Variants in MCM9 observed in about 807,000 individuals in gnomAD.
The protein encoded by MCM9 is minichromosome maintenance 9 homologous recombination repair factor.
Under a neutral mutation model 72.8 loss-of-function variants are expected in MCM9, and 55 were observed. That is an observed-to-expected ratio of 0.76 (90% CI 0.61 to 0.95). The LOEUF (loss-of-function observed/expected upper bound fraction) is 0.95. Ranked by LOEUF, MCM9 falls within the 40% of genes least tolerant of loss-of-function variation. The pLI is 0.00. For synonymous variants in MCM9, 480 were observed against 503.4 expected (o/e 0.95, Z 0.62); for missense variants, 1,279 against 1,377.0 (o/e 0.93, Z 1.13).
At position 118,932,627 on chromosome 6, in the gene MCM9, A is replaced by C; in HGVS notation, c.-36T>G. ...CATACCATTAATCAGACTGACAGCC[A>C]GTTCTGACATGAATAATTAACAGAC... On this transcript the variant is annotated 5_prime_UTR_variant, in exon 2 of 14. Coordinates refer to ENST00000619706, the MANE Select transcript of MCM9 (RefSeq NM_017696.3). The C allele has an allele frequency of 1.0e-6, 1 of 984,478 alleles. No homozygotes were observed. The highest frequency in any genetic ancestry group is 1.2e-6 in the Non-Finnish European group (1 of 829,038). 61.0% of individuals were successfully genotyped at this position (984,478 alleles called of 1,614,324 possible).
At chr6:118,915,159 G>A (rs998643854) in intron 6 of MCM9, among the ~76,000 whole-genome samples, 1 of 152,160 alleles carries the variant, frequency 6.6e-6, no homozygotes, top group Non-Finnish European at 1.5e-5. Flanking sequence ...CAAAAAGGAA[G>A]GGCCAAATGT....
chr6:118,826,724 T>TTTAAAAAAGGACACTTTA, intron 12 of MCM9, 58 bp downstream of exon 12: 1 of 1,330,670 alleles, frequency 7.5e-7, no homozygotes, highest in Non-Finnish European at 1.0e-6. Flanking sequence ...AGTGTCCTTT[T>TTTAAAAAAGGACACTTTA]TTAAAAAAAA....
chr6:118,901,010 C>G (rs1281457115), intron 8 of MCM9: 3 of 663,404 alleles, frequency 4.5e-6, no homozygotes, highest in South Asian at 1.9e-5. Context: ...CACTTTAAAT[C>G]TGTTTCCATC....
At position 118,857,198 on chromosome 6, in the gene MCM9, A is replaced by T. The variant is rs138322272; in HGVS notation, c.1151-653T>A. Among the ~76,000 whole-genome samples the T allele has an allele frequency of 5.1e-3, 779 of 152,306 alleles. 4 individuals are homozygous for T. Among genetic ancestry groups the T allele is most frequent in the African/African-American group, 0.017 (724 of 41,560 alleles). On this transcript the variant is annotated intron_variant, in intron 8 of 13. Coordinates refer to ENST00000619706, the MANE Select transcript of MCM9 (RefSeq NM_017696.3). ...CCTTATGACAGAGGGTGTGTACTAT[A>T]CGCTGTTTACAGAAAAGGGTCCAGT...
chr6:118,911,649 C>A lies in MCM9; in HGVS notation c.1150+1G>T. 6.2e-7 allele frequency: 1 copy of A among 1,607,670 alleles called. No individual in the cohort carries two copies. Among genetic ancestry groups the A allele is most frequent in the African/African-American group, 1.3e-5 (1 of 74,842 alleles). ...TTACTTGAAATTGTCACATACAATA[C>A]CTGCACTAGTAGATCCAATTCCTGT... On this transcript the variant is annotated splice_donor_variant, in intron 8 of 13. Coordinates refer to ENST00000619706, the MANE Select transcript of MCM9 (RefSeq NM_017696.3). LOFTEE classifies it high-confidence loss of function.
At chr6:118,851,385 G>A (rs1287758218) in intron 9 of MCM9, among the ~76,000 whole-genome samples, 1 of 151,658 alleles carries the variant, frequency 6.6e-6, no homozygotes, top group African/African-American at 2.4e-5. Flanking sequence ...TTTTCAAGAT[G>A]GAGAAATAAA....
intron 13 of MCM9, among the ~76,000 whole-genome samples, chr6:118,820,999 T>C (rs753001595): frequency 4.8e-4 from 73 of 152,332 alleles, no homozygotes; most frequent in Non-Finnish European, 7.9e-4. Flanking sequence ...CATTCCTTTA[T>C]TTTGAGCCTA....
chr6:118,826,783 T>A lies in MCM9; in HGVS notation c.1814A>T (p.Gln605Leu). ...ATTAGGTACACAAAATATCCTTACC[T>A]GCATTGAGGACTCCATGACTGACAC... ...TVVSVMESSM[Q>L]GGALLGGVNA... is the part of the protein sequence containing the mutation. The change falls in exon 12 of 14, where the codon CAG becomes CTG. Residue 605 changes from glutamine to leucine, a missense_variant and splice_region_variant. By Grantham distance (113) the Gln-to-Leu change is moderately radical. Coordinates refer to ENST00000619706, the MANE Select transcript of MCM9 (RefSeq NM_017696.3). The A allele has an allele frequency of 6.5e-7, 1 of 1,545,944 alleles. No homozygotes were observed. Among genetic ancestry groups the A allele is most frequent in the Non-Finnish European group, 8.7e-7 (1 of 1,144,810 alleles).
chr6:118,930,333 C>T (rs968144690), intron 3 of MCM9, among the ~76,000 whole-genome samples: 1 of 152,032 alleles, frequency 6.6e-6, no homozygotes, highest in Non-Finnish European at 1.5e-5. Flanking sequence ...AGGATGGTCT[C>T]GATTTCCTGA....
chr6:118,845,229 G>A (rs1022889071), intron 9 of MCM9, among the ~76,000 whole-genome samples: 2 of 151,832 alleles, frequency 1.3e-5, no homozygotes, highest in East Asian at 1.9e-4. Context: ...TCATAATAAC[G>A]AAGAGAATAG....
intron 9 of MCM9, among the ~76,000 whole-genome samples, chr6:118,838,273 C>T (rs1775103952): frequency 6.6e-6 from 1 of 151,938 alleles, no homozygotes. Flanking sequence ...CGCCATTCTC[C>T]TGACTCAGCC....
intron 9 of MCM9, among the ~76,000 whole-genome samples, chr6:118,846,919 G>A (rs771578740): frequency 2.0e-5 from 3 of 151,554 alleles, no homozygotes; most frequent in East Asian, 1.9e-4. Context: ...AAATACTTCC[G>A]TTGATAAAAC....
At chr6:118,885,557 T>A (rs1302583042) in intron 8 of MCM9, among the ~76,000 whole-genome samples, 3 of 152,104 alleles carry the variant, frequency 2.0e-5, no homozygotes, top group Non-Finnish European at 4.4e-5. Context: ...ATCAACCAAT[T>A]AAGTAACTTA....
intron 8 of MCM9, among the ~76,000 whole-genome samples, chr6:118,901,773 A>T (rs1779812158): frequency 6.6e-6 from 1 of 152,204 alleles, no homozygotes; most frequent in Non-Finnish European, 1.5e-5. Context: ...CAACCCAGCA[A>T]TGTCCCATCA....
intron 9 of MCM9, among the ~76,000 whole-genome samples, chr6:118,849,098 A>G (rs1027519510): frequency 3.9e-5 from 6 of 151,930 alleles, no homozygotes; most frequent in African/African-American, 1.5e-4. Context: ...TACGCTGCAT[A>G]CAAAAGAACA....
chr6:118,884,993 G>A (rs1017714128), intron 8 of MCM9, among the ~76,000 whole-genome samples: 6 of 152,032 alleles, frequency 3.9e-5, no homozygotes, highest in African/African-American at 7.2e-5. Flanking sequence ...TCAGGAGATC[G>A]AGACCATCCT....
chr6:118,881,405 A>G (rs1219490122), intron 8 of MCM9, among the ~76,000 whole-genome samples: 1 of 152,124 alleles, frequency 6.6e-6, no homozygotes, highest in African/African-American at 2.4e-5. Context: ...AACAGCACTC[A>G]TCTTCCTGTT....
At chr6:118,861,851 C>G (rs1307585680) in intron 8 of MCM9, among the ~76,000 whole-genome samples, 1 of 152,232 alleles carries the variant, frequency 6.6e-6, no homozygotes, top group East Asian at 1.9e-4. Flanking sequence ...TGGGGCTTCA[C>G]CAGTGACCCA....
chr6:118,836,478 G>A (rs1350952961), intron 9 of MCM9, among the ~76,000 whole-genome samples: 1 of 152,072 alleles, frequency 6.6e-6, no homozygotes, highest in African/African-American at 2.4e-5. Context: ...CTGGTACTGG[G>A]CTTTTTTGGG....
Sources: allele counts gnomAD v4.1 joint callset (sites outside exome capture counted in the v4.1 genomes callset), GRCh38; gene constraint gnomAD v4.1.1; transcripts MANE v1.5; gene names NCBI Gene and HGNC (gene_info 2026-07-23, HGNC 2026-07-21).